The following TCERG1 variants were observed in gnomAD, a reference collection of about 807,000 sequenced individuals.
TCERG1 encodes transcription elongation regulator 1, also known as TATA box binding protein (TBP)-associated factor, RNA polymerase II, S, 150kD.
A neutral mutation model predicts 144.7 loss-of-function variants in TCERG1; 37 were observed. That is an observed-to-expected ratio of 0.26 (90% CI 0.20 to 0.34). The LOEUF (loss-of-function observed/expected upper bound fraction) is 0.34. TCERG1 is among the 10% of genes least tolerant of loss of function. TCERG1 has a pLI of 1.00. For missense variants in TCERG1, 1,027 were observed against 1,380.7 expected (o/e 0.74, Z 4.06); for synonymous variants, 492 against 458.2 (o/e 1.07, Z -0.94).
At chr5:146,468,978 C>G (rs1174135734) in intron 6 of TCERG1, among the ~76,000 whole-genome samples, 1 of 150,930 alleles carries the variant, frequency 6.6e-6, no homozygotes, top group Non-Finnish European at 1.5e-5. Context: ...AAATATAAAT[C>G]TTGGTTTGTC....
Position 146,480,062 on chromosome 5 carries a change from T to G in TCERG1, c.1854T>G (p.Asn618Lys). Residue 618 changes from asparagine (N) to lysine (K), a missense_variant, in exon 12 of 23, where the codon AAT becomes AAG. Around this residue, in one of 6 missense-constraint regions of TCERG1, gnomAD observed 482 missense variants for 632.6 expected, o/e 0.76. Coordinates refer to ENST00000679501, the MANE Select transcript of TCERG1 (RefSeq NM_001382548.1). ...AACAAGAATTAATGGAAGAAATTAA[T>G]GAAGATGAGCCTGTTAAAGCAAAAA... is the stretch of plus-strand genomic sequence containing the variant. ...KEEQELMEEINEDEPVKAKKR... is the reference protein window; with the variant it reads ...KEEQELMEEIKEDEPVKAKKR... 6.2e-7 allele frequency: 1 copy of G among 1,601,958 alleles called. No homozygotes were observed. The highest frequency in any genetic ancestry group is 8.5e-7 in the Non-Finnish European group (1 of 1,175,168).
chr5:146,470,622 A>G lies in TCERG1; in HGVS notation c.1400-14A>G. 6.3e-7 allele frequency: 1 copy of G among 1,585,558 alleles called. No homozygotes were observed. Among genetic ancestry groups the G allele is most frequent in the South Asian group, 1.2e-5 (1 of 85,604 alleles). On this transcript the variant is annotated splice_polypyrimidine_tract_variant and intron_variant, in intron 7 of 22. Transcript: ENST00000679501. ...CAAAACCTTTGAGTGACATTATCTTAATTTTTTTCATAGAAAAGTTAGAAG... is the reference window on the plus strand; with the variant it reads ...CAAAACCTTTGAGTGACATTATCTTGATTTTTTTCATAGAAAAGTTAGAAG...
intron 22 of TCERG1, 114 bp from the exon 23 acceptor site, chr5:146,510,318 TAAAAAAAAA>T: frequency 1.8e-6 from 1 of 550,770 alleles, no homozygotes; most frequent in Non-Finnish European, 2.9e-6. Flanking sequence ...AAATTTTTCT[TAAAAAAAAA>T]AAAAAAAAAA....
rs552814605 is a variant in TCERG1 at position 146,477,774 on chromosome 5, T to G, written c.1602-719T>G. On this transcript the variant is annotated intron_variant, in intron 9 of 22. Transcript: ENST00000679501. ...GTGCAGTGGTGCGATCACAACTTACTGCAGCCTTGACCTCCCGGGCTCAGG... is the reference window on the plus strand; with the variant it reads ...GTGCAGTGGTGCGATCACAACTTACGGCAGCCTTGACCTCCCGGGCTCAGG... 1.6e-4 allele frequency among the ~76,000 whole-genome samples: 24 copies of G among 147,850 alleles called. No individual in the cohort carries two copies. In the South Asian group the frequency reaches 5.0e-3, roughly 31 times the overall value.
At chr5:146,477,177 G>T (rs1041807553) in intron 9 of TCERG1, among the ~76,000 whole-genome samples, 31 of 146,770 alleles carry the variant, frequency 2.1e-4, no homozygotes, top group Admixed American at 1.2e-3. Context: ...TTTCCTTTTG[G>T]TTTTTTTTTT....
chr5:146,489,207 C>G (rs1040933867), intron 15 of TCERG1, among the ~76,000 whole-genome samples: 3 of 152,088 alleles, frequency 2.0e-5, no homozygotes, highest in African/African-American at 7.2e-5. Context: ...AAACGTTTTT[C>G]CAACACAAAT....
intron 9 of TCERG1, among the ~76,000 whole-genome samples, chr5:146,477,996 C>A (rs1015366729): frequency 1.3e-5 from 2 of 152,162 alleles, no homozygotes; most frequent in Admixed American, 1.3e-4. Flanking sequence ...AGCCACCGTG[C>A]TGGGCCTTCC....
intron 2 of TCERG1, among the ~76,000 whole-genome samples, chr5:146,456,849 T>C (rs569791957): frequency 1.7e-3 from 260 of 152,348 alleles, no homozygotes; most frequent in African/African-American, 5.9e-3. Flanking sequence ...GAGACAGTGA[T>C]GTGCCTGGTA....
At chr5:146,480,121 G>A (rs764858978) in intron 12 of TCERG1, 27 bp downstream of exon 12, 1 of 1,525,886 alleles carries the variant, frequency 6.6e-7, no homozygotes, top group Non-Finnish European at 8.9e-7. Context: ...ATTTGATTGA[G>A]GTAGATTATA....
chr5:146,465,034 A>G (rs1341854985), intron 5 of TCERG1, among the ~76,000 whole-genome samples: 1 of 152,196 alleles, frequency 6.6e-6, no homozygotes. Flanking sequence ...AAGAAATTCA[A>G]ATCATTTAAA....
chr5:146,483,848 T>G (rs1765579991), intron 15 of TCERG1, among the ~76,000 whole-genome samples: 1 of 152,088 alleles, frequency 6.6e-6, no homozygotes, highest in African/African-American at 2.4e-5. Flanking sequence ...TTGTAAACAT[T>G]TTGTCCTTAT....
At chr5:146,464,419 G>C (rs536707249) in intron 5 of TCERG1, among the ~76,000 whole-genome samples, 2 of 152,330 alleles carry the variant, frequency 1.3e-5, no homozygotes, top group South Asian at 4.1e-4. Flanking sequence ...AGGTTCCCTT[G>C]TAACAATTAT....
chr5:146,467,618 G>A (rs891155670), intron 5 of TCERG1, among the ~76,000 whole-genome samples: 7 of 152,150 alleles, frequency 4.6e-5, no homozygotes, highest in African/African-American at 1.7e-4. Context: ...GCAGCCATCA[G>A]CCCAAGTAGT....
chr5:146,458,779 C>T, intron 3 of TCERG1, 105 bp from the exon 4 acceptor site: 7 of 1,457,476 alleles, frequency 4.8e-6, no homozygotes, highest in Non-Finnish European at 6.5e-6. Context: ...ACGCCTGGCC[C>T]TACGTTATTT....
intron 15 of TCERG1, among the ~76,000 whole-genome samples, chr5:146,487,954 A>C (rs970740398): frequency 6.6e-6 from 1 of 152,166 alleles, no homozygotes; most frequent in South Asian, 2.1e-4. Context: ...CCATATATCT[A>C]TAGGCAACTT....
At chr5:146,478,147 CT>C (rs1254993669) in intron 9 of TCERG1, among the ~76,000 whole-genome samples, 1 of 152,172 alleles carries the variant, frequency 6.6e-6, no homozygotes, top group Non-Finnish European at 1.5e-5. Flanking sequence ...TTTAGAACTG[CT>C]TAATAGCATT....
intron 15 of TCERG1, 72 bp downstream of exon 15, chr5:146,483,701 A>G: frequency 8.3e-7 from 1 of 1,197,858 alleles, no homozygotes; most frequent in Non-Finnish European, 1.2e-6. Flanking sequence ...TAAGGAATAA[A>G]GTACCATCCC....
rs181254000 is a variant in TCERG1 at position 146,489,400 on chromosome 5, T to C, written c.2164-3520T>C. On this transcript the variant is annotated intron_variant, in intron 15 of 22. Coordinates refer to ENST00000679501, the MANE Select transcript of TCERG1 (RefSeq NM_001382548.1). ...TAAGAGAAAACACCAAAATAAACTT[T>C]TAAATATCTCATTTGTTATTCAGAG... is the stretch of plus-strand genomic sequence containing the variant. 3.3e-5 allele frequency among the ~76,000 whole-genome samples: 5 copies of C among 152,272 alleles called. No homozygotes were observed. The East Asian group carries it at 5.8e-4, about 18-fold the overall frequency.
chr5:146,457,050 T>C, intron 2 of TCERG1, 133 bp from the exon 3 acceptor site: 2 of 1,193,522 alleles, frequency 1.7e-6, no homozygotes, highest in Non-Finnish European at 2.3e-6. Flanking sequence ...ATTTTGCTTC[T>C]ATGACAGGTG....
Sources: gnomAD v4.1 joint callset for allele counts (sites outside exome capture counted in the v4.1 genomes callset) on GRCh38, gnomAD v4.1.1 for gene constraint, gnomAD v4.1.1 regional missense constraint, MANE v1.5 for transcripts, NCBI Gene and HGNC (gene_info 2026-07-23, HGNC 2026-07-21) for gene names.